The following CACNA1C variants were observed in gnomAD, a reference collection of about 807,000 sequenced individuals.
The protein encoded by CACNA1C is voltage-dependent L-type calcium channel subunit alpha-1C.
A neutral mutation model predicts 229.0 loss-of-function variants in CACNA1C; 30 were observed. The ratio of observed to expected loss-of-function variants is 0.13; its 90% confidence interval spans 0.10 to 0.18. The LOEUF (loss-of-function observed/expected upper bound fraction) is 0.18, where lower values mean the gene tolerates loss of function less well. Ranked by LOEUF, CACNA1C falls within the 10% of genes least tolerant of loss-of-function variation. The pLI, the probability that CACNA1C is intolerant of heterozygous loss-of-function variation, is 1.00. For synonymous variants in CACNA1C, 1,114 were observed against 1,132.5 expected, an observed-to-expected ratio of 0.98 and a Z score of 0.33; for missense variants, 1,658 against 2,845.0, an observed-to-expected ratio of 0.58 and a Z score of 9.49.
intron 29 of CACNA1C, among the ~76,000 whole-genome samples, chr12:2,621,078 AACTTCC>A (rs1343557927): frequency 6.6e-6 from 1 of 152,150 alleles, no homozygotes; most frequent in East Asian, 1.9e-4. Flanking sequence ...ACCCCTCTGT[AACTTCC>A]ACTTATCCGT....
intron 3 of CACNA1C, among the ~76,000 whole-genome samples, chr12:2,392,515 C>T (rs1487869859): frequency 6.6e-6 from 1 of 152,072 alleles, no homozygotes; most frequent in Non-Finnish European, 1.5e-5. Flanking sequence ...ATCCATCAGC[C>T]GGGGGTGGGT....
intron 29 of CACNA1C, among the ~76,000 whole-genome samples, chr12:2,623,195 A>C (rs2084307493): frequency 1.3e-5 from 2 of 152,160 alleles, no homozygotes; most frequent in South Asian, 4.1e-4. Context: ...ATGAAAGGAA[A>C]GTGGCTGTGA....
Position 2,691,064 on chromosome 12 carries a change from C to T in CACNA1C, c.6282C>T (p.Leu2094=). The change falls in exon 47 of 47, where the codon CTC becomes CTT. Residue 2094 remains leucine, a synonymous_variant. Coordinates refer to ENST00000399655, the MANE Select transcript of CACNA1C (RefSeq NM_000719.7). The part of the protein sequence containing the change: ...GGAPQSPNGA[L]LPFVNCRDAG... The stretch of plus-strand genomic sequence containing the variant: ...CCCCACAGAGCCCCAATGGCGCCCT[C>T]TTACCCTTTGTGAACTGCAGGGACG... The T allele has an allele frequency of 3.7e-6, 6 of 1,609,426 alleles. No homozygotes were observed. Among genetic ancestry groups the T allele is most frequent in the Non-Finnish European group, 5.1e-6 (6 of 1,178,122 alleles).
At chr12:2,395,328 C>T (rs2098551488) in intron 3 of CACNA1C, among the ~76,000 whole-genome samples, 1 of 151,904 alleles carries the variant, frequency 6.6e-6, no homozygotes, top group African/African-American at 2.4e-5. Context: ...AAGAGATTCC[C>T]CTGCCTCAGC....
At chr12:2,097,534 A>G (rs1378432809) in intron 1 of CACNA1C, among the ~76,000 whole-genome samples, 1 of 152,164 alleles carries the variant, frequency 6.6e-6, no homozygotes, top group East Asian at 1.9e-4. Flanking sequence ...TGAAGTTTCC[A>G]ATTTTTCCAC....
At chr12:2,623,770 G>A (rs898151390) in intron 29 of CACNA1C, among the ~76,000 whole-genome samples, 1 of 152,116 alleles carries the variant, frequency 6.6e-6, no homozygotes, top group East Asian at 1.9e-4. Context: ...TTCCTCTGGG[G>A]TGCCCCTCCT....
chr12:2,405,788 A>C (rs2098731547), intron 3 of CACNA1C, among the ~76,000 whole-genome samples: 1 of 152,212 alleles, frequency 6.6e-6, no homozygotes, highest in Admixed American at 6.5e-5. Flanking sequence ...CAACTGTCAA[A>C]ATTTAGAAAA....
intron 3 of CACNA1C, among the ~76,000 whole-genome samples, chr12:2,150,046 G>A (rs1483818863): frequency 6.6e-6 from 1 of 152,178 alleles, no homozygotes; most frequent in East Asian, 1.9e-4. Context: ...ATGGAGACTG[G>A]GTAACAGAGA....
intron 11 of CACNA1C, among the ~76,000 whole-genome samples, chr12:2,563,014 C>T (rs1446095650): frequency 6.6e-6 from 1 of 152,100 alleles, no homozygotes; most frequent in Non-Finnish European, 1.5e-5. Flanking sequence ...TATTTTTTCA[C>T]CTATTTACCA....
At chr12:2,229,635 A>G (rs1255684006) in intron 3 of CACNA1C, among the ~76,000 whole-genome samples, 1 of 152,130 alleles carries the variant, frequency 6.6e-6, no homozygotes, top group Non-Finnish European at 1.5e-5. Flanking sequence ...CGATGAGGGA[A>G]GGCCTCCGCA....
At chr12:2,316,165 G>T (rs1188824073) in intron 3 of CACNA1C, among the ~76,000 whole-genome samples, 1 of 152,236 alleles carries the variant, frequency 6.6e-6, no homozygotes, top group Admixed American at 6.5e-5. Context: ...TACCAATGTG[G>T]GGCAGGCCCC....
intron 3 of CACNA1C, among the ~76,000 whole-genome samples, chr12:2,284,174 C>T (rs949201389): frequency 9.2e-5 from 14 of 152,048 alleles, no homozygotes; most frequent in South Asian, 2.1e-4. Context: ...AGTGAGGGGC[C>T]GATGTCTTTC....
Position 2,493,163 on chromosome 12 carries a change from T to C in CACNA1C, c.917-27T>C. 5 of 1,600,166 alleles carry C rather than the reference T, an allele frequency of 3.1e-6. No homozygotes were observed. The South Asian group carries it at 5.5e-5, about 18-fold the overall frequency. The stretch of plus-strand genomic sequence containing the variant: ...CATCTCTCCCTCCCTGCTGCTCCCG[T>C]CTCCTGTCTTCTTCTGGCCATTTGA... On this transcript the variant is annotated intron_variant, in intron 6 of 46. Coordinates refer to ENST00000399655, the MANE Select transcript of CACNA1C (RefSeq NM_000719.7). The surrounding 1 kb of genome is among the most constrained non-coding windows in gnomAD (Gnocchi z 4.6).
chr12:2,336,079 T>G (rs2096685898), intron 3 of CACNA1C, among the ~76,000 whole-genome samples: 1 of 151,148 alleles, frequency 6.6e-6, no homozygotes, highest in African/African-American at 2.4e-5. Context: ...AGTGAAAATT[T>G]CCTTACTATT....
intron 15 of CACNA1C, 128 bp downstream of exon 15, chr12:2,583,070 A>AT: frequency 1.6e-6 from 1 of 644,880 alleles, no homozygotes; most frequent in Non-Finnish European, 2.7e-6. Context: ...CTAGAACCCC[A>AT]TGGCGGCGGA....
intron 8 of CACNA1C, among the ~76,000 whole-genome samples, chr12:2,507,356 G>A (rs2099774091): frequency 6.6e-6 from 1 of 152,138 alleles, no homozygotes; most frequent in Non-Finnish European, 1.5e-5. Flanking sequence ...TGTGTCAAGG[G>A]CTGGCCACTC....
chr12:2,050,248 G>A (rs1191453476), upstream of CACNA1C, among the ~76,000 whole-genome samples: 2 of 152,162 alleles, frequency 1.3e-5, no homozygotes, highest in African/African-American at 2.4e-5. Context: ...GACTGAGTTT[G>A]GTGTCAGATA....
chr12:2,641,499 T>C, intron 30 of CACNA1C: 1 of 573,080 alleles, frequency 1.7e-6, no homozygotes, highest in Non-Finnish European at 3.1e-6. Context: ...ATCCTTGACA[T>C]CTCCCTCCAG....
chr12:2,189,027 A>C (rs2154294222), intron 3 of CACNA1C, among the ~76,000 whole-genome samples: 1 of 138,828 alleles, frequency 7.2e-6, no homozygotes, highest in South Asian at 2.4e-4. Context: ...CAGGAGGCGG[A>C]GCTTGCAGTG....
Sources: allele counts gnomAD v4.1 joint callset (sites outside exome capture counted in the v4.1 genomes callset), GRCh38; gene constraint gnomAD v4.1.1; non-coding constraint Gnocchi (gnomAD v3.1); transcripts MANE v1.5; gene names NCBI Gene and HGNC (gene_info 2026-07-23, HGNC 2026-07-21).